Variants in ELP2 observed in about 807,000 individuals in gnomAD.
The protein encoded by ELP2 is elongator complex protein 2.
ELP2 carries 90 observed loss-of-function variants against 119.2 expected under a neutral mutation model. That is an observed-to-expected ratio of 0.75 (90% CI 0.64 to 0.90). ELP2 has a LOEUF of 0.90. Among genes scored for constraint, ELP2 ranks in the 40% least tolerant of loss-of-function variants. The probability of loss-of-function intolerance (pLI) is 0.00; values close to 1 mark genes in which losing one functional copy is unlikely to be tolerated. For missense variants in ELP2, 921 were observed against 967.8 expected, an observed-to-expected ratio of 0.95 and a Z score of 0.64; for synonymous variants, 339 against 331.0, an observed-to-expected ratio of 1.02 and a Z score of -0.26.
intron 1 of ELP2, among the ~76,000 whole-genome samples, chr18:36,130,566 GT>G (rs1251428261): frequency 2.6e-5 from 4 of 152,178 alleles, no homozygotes; most frequent in Admixed American, 6.5e-5. Context: ...GAAAGTGTCA[GT>G]TTGGGGGAAA....
rs1384035931 is a variant in ELP2, at chr18:36,179,831, G to C, written c.*5190G>C. ...TGACCAAGTTCTAGGTATTTCATAG[G>C]GCAGTCTAGGTGAGGGTTGGAACCC... On this transcript the variant is annotated 3_prime_UTR_variant, in exon 22 of 22. Coordinates refer to ENST00000358232, the MANE Select transcript of ELP2 (RefSeq NM_018255.4). The C allele has an allele frequency of 1.3e-5, 2 of 152,126 alleles. No individual in the cohort carries two copies. Among genetic ancestry groups the C allele is most frequent in the Non-Finnish European group, 2.9e-5 (2 of 68,034 alleles). 9.4% of individuals were successfully genotyped at this position (152,126 alleles called of 1,614,324 possible). A position where few individuals can be genotyped will look rare whatever the true frequency, so the allele number is the denominator to read the frequency against.
At position 36,176,800 on chromosome 18, in the gene ELP2, G is replaced by A. The variant is rs1419628201; in HGVS notation, c.*2159G>A. ...ATATCTGAAGCAATCCCCAGATACG[G>A]GTTAGGCATGGCCCTGCTCTGAGCA... On this transcript the variant is annotated 3_prime_UTR_variant, in exon 22 of 22. Coordinates refer to ENST00000358232, the MANE Select transcript of ELP2 (RefSeq NM_018255.4). 6.6e-6 allele frequency: 1 copy of A among 152,160 alleles called. No individual in the cohort carries two copies. 9.4% of individuals were successfully genotyped at this position (152,160 alleles called of 1,614,324 possible).
At chr18:36,149,981 A>G (rs996834321) in intron 11 of ELP2, among the ~76,000 whole-genome samples, 1 of 152,186 alleles carries the variant, frequency 6.6e-6, no homozygotes, top group East Asian at 1.9e-4. Context: ...ATCCAGATCT[A>G]TTTAATATCT....
At chr18:36,134,345 G>A (rs911767471) in intron 2 of ELP2, among the ~76,000 whole-genome samples, 91 of 152,244 alleles carry the variant, frequency 6.0e-4, no homozygotes, top group African/African-American at 2.1e-3. Flanking sequence ...GCCACATGAT[G>A]TATGATACTG....
chr18:36,169,527 C>G (rs2091013555), intron 19 of ELP2, among the ~76,000 whole-genome samples: 2 of 151,634 alleles, frequency 1.3e-5, no homozygotes, highest in African/African-American at 4.9e-5. Context: ...GCTGGGATTA[C>G]AGGCACCCGC....
At chr18:36,143,267 G>A (rs921349286) in intron 8 of ELP2, among the ~76,000 whole-genome samples, 3 of 151,690 alleles carry the variant, frequency 2.0e-5, no homozygotes, top group African/African-American at 7.3e-5. Flanking sequence ...TTACAGGCAC[G>A]CACCACCACG....
At position 36,167,143 on chromosome 18, in the gene ELP2, C is replaced by A. The variant is rs1449909744; in HGVS notation, c.1997C>A (p.Ser666Tyr). The change falls in exon 19 of 22, where the codon TCT (serine) becomes TAT (tyrosine). Residue 666 changes from serine (S) to tyrosine (Y), a missense_variant. Coordinates refer to ENST00000358232, the MANE Select transcript of ELP2 (RefSeq NM_018255.4). ...TTTGCCTTCACCAACAAAATTACTT[C>A]TGTGCACAGTAGAATTATTTGGTCT... is the stretch of plus-strand genomic sequence containing the variant. ...SLFAFTNKITSVHSRIIWSCD... is the reference protein window; with the variant it reads ...SLFAFTNKITYVHSRIIWSCD... The A allele has an allele frequency of 2.5e-6, 4 of 1,603,374 alleles. No individual in the cohort carries two copies. Among genetic ancestry groups the A allele is most frequent in the Non-Finnish European group, 3.4e-6 (4 of 1,174,280 alleles).
intron 21 of ELP2, among the ~76,000 whole-genome samples, chr18:36,174,229 A>G (rs1443711476): frequency 1.3e-5 from 2 of 151,898 alleles, no homozygotes; most frequent in Non-Finnish European, 2.9e-5. Flanking sequence ...GTTTTTTTTT[A>G]AACAACATTT....
intron 2 of ELP2, among the ~76,000 whole-genome samples, chr18:36,135,412 A>G (rs1182790645): frequency 1.3e-5 from 2 of 152,194 alleles, no homozygotes; most frequent in Non-Finnish European, 2.9e-5. Flanking sequence ...AAGTGGCTCA[A>G]TTGCTGTGAC....
chr18:36,160,032 T>G lies in ELP2; in HGVS notation c.1688+17T>G. 1.2e-6 allele frequency: 2 copies of G among 1,612,856 alleles called. No homozygotes were observed. Among genetic ancestry groups the G allele is most frequent in the Non-Finnish European group, 1.7e-6 (2 of 1,179,478 alleles). On this transcript the variant is annotated intron_variant, in intron 16 of 21. Transcript: ENST00000358232. ...TCAAAAACTGTAAGTTAAACTGTAT[T>G]TAGCTCTTTGGTCTGATTCTGTCGT...
intron 12 of ELP2, among the ~76,000 whole-genome samples, chr18:36,155,268 C>CG (rs1458271197): frequency 2.8e-5 from 4 of 142,364 alleles, no homozygotes; most frequent in South Asian, 2.4e-4. Flanking sequence ...CGCCCCTCCC[C>CG]CCCCCCCGCC....
rs752817285 is a variant in ELP2 at position 36,154,808 on chromosome 18, C to CT, written c.1126-39dup. 5 of 1,611,968 alleles carry CT rather than the reference C, an allele frequency of 3.1e-6. No individual in the cohort carries two copies. The East Asian group carries it at 8.9e-5, about 29-fold the overall frequency. On this transcript the variant is annotated intron_variant, in intron 11 of 21. Transcript: ENST00000358232. Reference sequence around the variant, plus strand: ...GTGAGTGCTTTACTTTGGTGGTAGTCTTTGAGTATTTTGATATGTGATATG... The same window carrying CT: ...GTGAGTGCTTTACTTTGGTGGTAGTCTTTTGAGTATTTTGATATGTGATATG...
Position 36,160,954 on chromosome 18 carries a change from T to C in ELP2, c.1711T>C (p.Phe571Leu), listed in dbSNP as rs1228361555. The C allele has an allele frequency of 1.2e-6, 2 of 1,613,374 alleles. No individual in the cohort carries two copies. The highest frequency in any genetic ancestry group is 1.7e-6 in the Non-Finnish European group (2 of 1,179,490). Reference sequence around the variant, plus strand: ...TAGATATGGGCACGGTTATGAAATATTTTGTGTTACTTGTAACAGTTCAAA... The same window carrying C: ...TAGATATGGGCACGGTTATGAAATACTTTGTGTTACTTGTAACAGTTCAAA... ...QKLYGHGYEIFCVTCNSSKTL... is the reference protein window; with the variant it reads ...QKLYGHGYEILCVTCNSSKTL... Residue 571 changes from phenylalanine to leucine, a missense_variant, in exon 17 of 22, where the codon TTT becomes CTT. Transcript: ENST00000358232.
rs1055739368 is a variant in ELP2 at position 36,164,626 on chromosome 18, G to C, written c.1913G>C (p.Trp638Ser). 3.1e-6 allele frequency: 5 copies of C among 1,613,920 alleles called. No individual in the cohort carries two copies. Among genetic ancestry groups the C allele is most frequent in the African/African-American group, 2.7e-5 (2 of 74,898 alleles). Reference sequence around the variant, plus strand: ...CTAGCTGTTTCCAGAGATCGAACCTGGTCATTGTGGAAAAAGCAGGATACA... The same window carrying C: ...CTAGCTGTTTCCAGAGATCGAACCTCGTCATTGTGGAAAAAGCAGGATACA... ...FLLAVSRDRT[W>S]SLWKKQDTIS... Residue 638 changes from tryptophan to serine, a missense_variant, in exon 18 of 22, where the codon TGG becomes TCG. Coordinates refer to ENST00000358232, the MANE Select transcript of ELP2 (RefSeq NM_018255.4).
chr18:36,159,642 A>G, intron 14 of ELP2, 93 bp from the exon 15 acceptor site: 1 of 926,608 alleles, frequency 1.1e-6, no homozygotes, highest in Non-Finnish European at 1.8e-6. Flanking sequence ...ACTTTGAATT[A>G]CCACTGCTTT....
intron 11 of ELP2, among the ~76,000 whole-genome samples, chr18:36,146,902 C>T (rs1449393994): frequency 6.6e-6 from 1 of 152,070 alleles, no homozygotes; most frequent in African/African-American, 2.4e-5. Flanking sequence ...CCTTCTCTTA[C>T]TTTGTAATCT....
At chr18:36,142,134 C>A in intron 6 of ELP2, 147 bp from the exon 7 acceptor site, 1 of 709,458 alleles carries the variant, frequency 1.4e-6, no homozygotes. Flanking sequence ...GTTTTTCATT[C>A]CCAAAGGAAT....
At chr18:36,158,954 C>A in intron 14 of ELP2, 50 bp downstream of exon 14, 1 of 1,251,810 alleles carries the variant, frequency 8.0e-7, no homozygotes, top group South Asian at 1.2e-5. Flanking sequence ...TACTTAAACC[C>A]CAGTCATACA....
At chr18:36,157,899 G>A (rs1158827216) in intron 13 of ELP2, among the ~76,000 whole-genome samples, 1 of 152,156 alleles carries the variant, frequency 6.6e-6, no homozygotes, top group Non-Finnish European at 1.5e-5. Context: ...TCAGTTCTAG[G>A]AATTGAAATG....
Sources: gnomAD v4.1 joint callset for allele counts (sites outside exome capture counted in the v4.1 genomes callset) on GRCh38, gnomAD v4.1.1 for gene constraint, MANE v1.5 for transcripts, NCBI Gene and HGNC (gene_info 2026-07-23, HGNC 2026-07-21) for gene names.